KCNQ1: variants seen among roughly 807,000 people sequenced by gnomAD.
KCNQ1 encodes potassium voltage-gated channel subfamily Q member 1.
KCNQ1 carries 49 observed loss-of-function variants against 72.4 expected under a neutral mutation model. That is an observed-to-expected ratio of 0.68 (90% CI 0.54 to 0.86). The LOEUF is 0.86. KCNQ1 is among the 40% of genes least tolerant of loss of function. The pLI is 0.00. For synonymous variants in KCNQ1, 450 were observed against 412.6 expected (o/e 1.09, Z -1.10); for missense variants, 790 against 945.1 (o/e 0.84, Z 2.15).
chr11:2,532,181 C>T (rs1847646543), intron 2 of KCNQ1, among the ~76,000 whole-genome samples: 1 of 152,134 alleles, frequency 6.6e-6, no homozygotes, highest in African/African-American at 2.4e-5. Flanking sequence ...CTGGGAGGCT[C>T]ACAAGCATCT....
At chr11:2,523,980 G>A (rs1249234683) in intron 1 of KCNQ1, among the ~76,000 whole-genome samples, 1 of 152,076 alleles carries the variant, frequency 6.6e-6, no homozygotes, top group Non-Finnish European at 1.5e-5. Context: ...TTGGCTGAAC[G>A]GTGGCCCCTG....
intron 15 of KCNQ1, among the ~76,000 whole-genome samples, chr11:2,802,604 A>ACCCAGGCCTG (rs1564898953): frequency 1.2e-4 from 19 of 152,106 alleles, no homozygotes; most frequent in Admixed American, 3.3e-4. Flanking sequence ...CTGGGTCCCC[A>ACCCAGGCCTG]GGGTATAGGG....
At chr11:2,618,753 A>G in intron 10 of KCNQ1, 3 of 398,502 alleles carry the variant, frequency 7.5e-6, no homozygotes, top group Middle Eastern at 1.3e-3. Context: ...GATTTTATTC[A>G]ATCTGTATAT....
chr11:2,606,948 G>C (rs374619401), intron 10 of KCNQ1, among the ~76,000 whole-genome samples: 15 of 137,710 alleles, frequency 1.1e-4, no homozygotes, highest in East Asian at 6.3e-4. Context: ...TGTCACCCAG[G>C]CTGGAATGCA....
rs965768021 is a variant in KCNQ1 at position 2,818,625 on chromosome 11, T to C, written c.1795-29142T>C. Among the ~76,000 whole-genome samples the C allele has an allele frequency of 6.6e-6, 1 of 152,114 alleles. No individual in the cohort carries two copies. The highest frequency in any genetic ancestry group is 1.5e-5 in the Non-Finnish European group (1 of 68,010). Reference sequence around the variant, plus strand: ...GAAGCCCCCGGAATGCGGCCCACCCTGTCTCCAGTTGTTCCCTACCAGCCC... The same window carrying C: ...GAAGCCCCCGGAATGCGGCCCACCCCGTCTCCAGTTGTTCCCTACCAGCCC... On this transcript the variant is annotated intron_variant, in intron 15 of 15. Transcript: ENST00000155840. This position sits in a 1 kb window ranked among gnomAD's most constrained non-coding sequence, Gnocchi z 7.2.
In KCNQ1 at chr11:2,658,664, C is replaced by T. The variant is rs1849895944; in HGVS notation, c.1394-3297C>T. 2.5e-6 allele frequency: 1 copy of T among 398,432 alleles called. No homozygotes were observed. Among genetic ancestry groups the T allele is most frequent in the Admixed American group, 4.4e-5 (1 of 22,718 alleles). 24.7% of individuals were successfully genotyped at this position (398,432 alleles called of 1,614,324 possible). On this transcript the variant is annotated intron_variant, in intron 10 of 15. Transcript: ENST00000155840. This position sits in a 1 kb window ranked among gnomAD's most constrained non-coding sequence, Gnocchi z 4.9. ...TACTAGGGTATCATTGCTTCAGTCT[C>T]CTCTCAGTGGACAGAGCTAGGAAAT...
In KCNQ1 at chr11:2,625,220, C is replaced by T. The variant is rs1849243852; in HGVS notation, c.1393+36366C>T. On this transcript the variant is annotated intron_variant, in intron 10 of 15. Coordinates refer to ENST00000155840, the MANE Select transcript of KCNQ1 (RefSeq NM_000218.3). ...ACAGTGCACAAGGATTCCAATTTCTCCATGTCCCTTCCAGCAGTGGTTATT... is the reference window on the plus strand; with the variant it reads ...ACAGTGCACAAGGATTCCAATTTCTTCATGTCCCTTCCAGCAGTGGTTATT... 9 of 398,632 alleles carry T rather than the reference C, an allele frequency of 2.3e-5. No individual in the cohort carries two copies. The South Asian group carries it at 1.0e-3, about 45-fold the overall frequency. The allele number at this position is 398,632 out of a possible 1,614,324, so 24.7% of individuals were successfully genotyped here. A position where few individuals can be genotyped will look rare whatever the true frequency, so the allele number is the denominator to read the frequency against.
chr11:2,847,497 A>G (rs1848353775), intron 15 of KCNQ1, among the ~76,000 whole-genome samples: 1 of 152,200 alleles, frequency 6.6e-6, no homozygotes, highest in South Asian at 2.1e-4. Context: ...CCTGGCCCTG[A>G]GCCTGAATGC....
intron 14 of KCNQ1, chr11:2,777,557 T>G: frequency 1.8e-6 from 1 of 544,804 alleles, no homozygotes; most frequent in Non-Finnish European, 3.2e-6. Context: ...TCCCTGGGGT[T>G]TCCCTAGCCC....
rs1846409649 is a variant in KCNQ1 at position 2,762,189 on chromosome 11, C to T, written c.1515-6655C>T. Among the ~76,000 whole-genome samples the T allele has an allele frequency of 6.6e-6, 1 of 152,212 alleles. No homozygotes were observed. Among genetic ancestry groups the T allele is most frequent in the African/African-American group, 2.4e-5 (1 of 41,448 alleles). On this transcript the variant is annotated intron_variant, in intron 11 of 15. Coordinates refer to ENST00000155840, the MANE Select transcript of KCNQ1 (RefSeq NM_000218.3). This position sits in a 1 kb window ranked among gnomAD's most constrained non-coding sequence, Gnocchi z 4.3. ...TCGTGTGTCAGGCCTGGGAGGGGGG[C>T]CTTCATGAGACCATCACGGAGATCT... is the stretch of plus-strand genomic sequence containing the variant.
Position 2,690,146 on chromosome 11 carries a change from C to G in KCNQ1, c.1514+28065C>G. 2.5e-6 allele frequency: 1 copy of G among 398,920 alleles called. No individual in the cohort carries two copies. The highest frequency in any genetic ancestry group is 4.4e-6 in the Non-Finnish European group (1 of 226,300). The allele number at this position is 398,920 out of a possible 1,614,324, so 24.7% of individuals were successfully genotyped here. A position where few individuals can be genotyped will look rare whatever the true frequency, so the allele number is the denominator to read the frequency against. On this transcript the variant is annotated intron_variant, in intron 11 of 15. Transcript: ENST00000155840. This position sits in a 1 kb window ranked among gnomAD's most constrained non-coding sequence, Gnocchi z 5.1. ...GAGCAGGGACAAAAAGCGGGCAGCC[C>G]TCCCCAGCATGACAGGATGTGGAAG...
intron 1 of KCNQ1, among the ~76,000 whole-genome samples, chr11:2,523,967 C>G (rs547619112): frequency 2.0e-5 from 3 of 151,958 alleles, no homozygotes; most frequent in Non-Finnish European, 4.4e-5. Context: ...ACATGGCTGT[C>G]GCTTGGCTGA....
At chr11:2,736,671 C>T (rs917124738) in intron 11 of KCNQ1, among the ~76,000 whole-genome samples, 5 of 152,226 alleles carry the variant, frequency 3.3e-5, no homozygotes, top group Admixed American at 2.6e-4. Context: ...CCAGGTGTCC[C>T]TTGTGATCTT....
intron 11 of KCNQ1, chr11:2,699,659 C>A (rs1169716456): frequency 2.8e-6 from 1 of 359,656 alleles, no homozygotes; most frequent in Non-Finnish European, 5.0e-6. Context: ...CGCCGAAGAA[C>A]CCCCGGGGAG....
chr11:2,666,626 C>T (rs1024130175), intron 11 of KCNQ1: 16 of 398,520 alleles, frequency 4.0e-5, no homozygotes, highest in Non-Finnish European at 6.6e-5. Flanking sequence ...CAAGGGTGGC[C>T]CCAAATTTGG....
At chr11:2,842,449 G>A (rs886875435) in intron 15 of KCNQ1, among the ~76,000 whole-genome samples, 3 of 152,226 alleles carry the variant, frequency 2.0e-5, no homozygotes, top group African/African-American at 7.2e-5. Flanking sequence ...CCCAACTCCT[G>A]TGATGGGTTG....
At chr11:2,640,752 C>G (rs1849562627) in intron 10 of KCNQ1, 2 of 398,408 alleles carry the variant, frequency 5.0e-6, no homozygotes, top group East Asian at 7.1e-5. Flanking sequence ...AGTCAACCAA[C>G]TCTTATCAAA....
intron 15 of KCNQ1, among the ~76,000 whole-genome samples, chr11:2,838,923 C>T (rs2981604): frequency 5.9e-5 from 9 of 151,368 alleles, no homozygotes. Flanking sequence ...ACAAACACGG[C>T]TCCTGGGCCC....
chr11:2,769,027 G>A lies in KCNQ1; in HGVS notation c.1590+108G>A. On this transcript the variant is annotated intron_variant, in intron 12 of 15. Coordinates refer to ENST00000155840, the MANE Select transcript of KCNQ1 (RefSeq NM_000218.3). The surrounding 1 kb of genome is among the most constrained non-coding windows in gnomAD (Gnocchi z 4.6). ...CCTGCCCATAGTGGAGGGTGTCAAG[G>A]CCTCCGCCCCCAAGCCACACAGGCA... 1.1e-6 allele frequency: 1 copy of A among 945,644 alleles called. No individual in the cohort carries two copies. The highest frequency in any genetic ancestry group is 1.7e-6 in the Non-Finnish European group (1 of 591,038). The allele number at this position is 945,644 out of a possible 1,614,324, so 58.6% of individuals were successfully genotyped here.
Sources: gnomAD v4.1 joint callset for allele counts (sites outside exome capture counted in the v4.1 genomes callset) on GRCh38, gnomAD v4.1.1 for gene constraint, Gnocchi (gnomAD v3.1) non-coding constraint, MANE v1.5 for transcripts, NCBI Gene and HGNC (gene_info 2026-07-23, HGNC 2026-07-21) for gene names.